Variants in GHR observed in about 807,000 individuals in gnomAD.
GHR encodes the protein GH receptor.
Under a neutral mutation model 67.1 loss-of-function variants are expected in GHR, and 35 were observed. The observed-to-expected ratio is 0.52, with a 90% CI of 0.40 to 0.69. The LOEUF (loss-of-function observed/expected upper bound fraction) is 0.69, where lower values mean the gene tolerates loss of function less well. Ranked by LOEUF, GHR falls within the 30% of genes least tolerant of loss-of-function variation. The pLI, the probability that GHR is intolerant of heterozygous loss-of-function variation, is 0.00. For synonymous variants in GHR, 272 were observed against 269.1 expected (o/e 1.01, Z -0.10); for missense variants, 792 against 764.6 (o/e 1.04, Z -0.42).
At chr5:42,644,837 G>T (rs1439164225) in intron 3 of GHR, among the ~76,000 whole-genome samples, 1 of 151,896 alleles carries the variant, frequency 6.6e-6, no homozygotes, top group African/African-American at 2.4e-5. Flanking sequence ...TGTTTATTTT[G>T]CAAATTCCAA....
chr5:42,446,187 A>G (rs190328032), intron 1 of GHR, among the ~76,000 whole-genome samples: 4 of 152,340 alleles, frequency 2.6e-5, no homozygotes, highest in Non-Finnish European at 5.9e-5. Context: ...AACTGCACTC[A>G]TAATGTAAGC....
At chr5:42,683,977 G>A (rs1036446368) in intron 3 of GHR, among the ~76,000 whole-genome samples, 2 of 146,410 alleles carry the variant, frequency 1.4e-5, no homozygotes, top group African/African-American at 5.1e-5. Context: ...TTTTTTTTTT[G>A]TTTCAGCTGA....
chr5:42,652,949 A>G (rs957781904), intron 3 of GHR, among the ~76,000 whole-genome samples: 1 of 152,090 alleles, frequency 6.6e-6, no homozygotes, highest in African/African-American at 2.4e-5. Context: ...AAGCAGTGTG[A>G]ACTTTGAAGT....
intron 2 of GHR, among the ~76,000 whole-genome samples, chr5:42,603,418 C>A (rs1379392835): frequency 1.3e-5 from 2 of 151,984 alleles, no homozygotes; most frequent in Non-Finnish European, 2.9e-5. Context: ...AAATATTCAA[C>A]CATTATTTCT....
chr5:42,683,849 A>T (rs764827279), intron 3 of GHR, among the ~76,000 whole-genome samples: 1 of 152,262 alleles, frequency 6.6e-6, no homozygotes, highest in East Asian at 1.9e-4. Flanking sequence ...CTTATTTACA[A>T]TGAGAAGGTA....
At chr5:42,568,241 T>G (rs1470576348) in intron 2 of GHR, among the ~76,000 whole-genome samples, 1 of 152,184 alleles carries the variant, frequency 6.6e-6, no homozygotes, top group Non-Finnish European at 1.5e-5. Context: ...TTTTATTAAA[T>G]CTAATTGCCC....
At chr5:42,595,389 A>G (rs910837139) in intron 2 of GHR, among the ~76,000 whole-genome samples, 2 of 152,216 alleles carry the variant, frequency 1.3e-5, no homozygotes, top group African/African-American at 4.8e-5. Flanking sequence ...GTCAGTATAA[A>G]TCTTATAACT....
intron 3 of GHR, among the ~76,000 whole-genome samples, chr5:42,657,436 T>G (rs1755314232): frequency 6.6e-6 from 1 of 152,154 alleles, no homozygotes; most frequent in Non-Finnish European, 1.5e-5. Context: ...TAAGTGGCCA[T>G]CTATCCTTTG....
chr5:42,537,203 G>A (rs1748296903), intron 1 of GHR, among the ~76,000 whole-genome samples: 1 of 151,686 alleles, frequency 6.6e-6, no homozygotes, highest in Non-Finnish European at 1.5e-5. Flanking sequence ...TCCTCGGTTT[G>A]GGTTTGGTTT....
chr5:42,445,506 G>T (rs954405723), intron 1 of GHR, among the ~76,000 whole-genome samples: 37 of 152,130 alleles, frequency 2.4e-4, no homozygotes, highest in African/African-American at 8.4e-4. Context: ...TGTTCTGCCT[G>T]GAAAAGGGCT....
intron 1 of GHR, among the ~76,000 whole-genome samples, chr5:42,447,912 C>T (rs866507354): frequency 2.0e-5 from 3 of 151,848 alleles, no homozygotes; most frequent in South Asian, 4.2e-4. Context: ...CAGGTGCCCA[C>T]AACCATGCCT....
chr5:42,515,083 C>T (rs889027625), intron 1 of GHR: 3 of 152,196 alleles, frequency 2.0e-5, no homozygotes, highest in Non-Finnish European at 4.4e-5. Context: ...GCATAGTAGA[C>T]TCTTAGTGTA....
chr5:42,561,342 C>T (rs1411100516), intron 1 of GHR, among the ~76,000 whole-genome samples: 1 of 152,142 alleles, frequency 6.6e-6, no homozygotes, highest in African/African-American at 2.4e-5. Flanking sequence ...ATTGCTTTTG[C>T]ATTAATCTCC....
intron 3 of GHR, among the ~76,000 whole-genome samples, chr5:42,653,405 C>T (rs1277404141): frequency 6.6e-6 from 1 of 152,102 alleles, no homozygotes; most frequent in Admixed American, 6.6e-5. Context: ...TCTGCCATCC[C>T]TATCTTGTTC....
At chr5:42,449,985 T>C (rs1455475967) in intron 1 of GHR, among the ~76,000 whole-genome samples, 1 of 152,146 alleles carries the variant, frequency 6.6e-6, no homozygotes, top group African/African-American at 2.4e-5. Context: ...ACTATATCCC[T>C]AGTATGAAAC....
chr5:42,632,641 A>G (rs1753984624), intron 3 of GHR, among the ~76,000 whole-genome samples: 1 of 152,164 alleles, frequency 6.6e-6, no homozygotes, highest in Non-Finnish European at 1.5e-5. Context: ...CTTAAGAAAC[A>G]TTTTCTGGGG....
intron 1 of GHR, among the ~76,000 whole-genome samples, chr5:42,544,933 G>T (rs145107699): frequency 4.5e-4 from 69 of 152,140 alleles, no homozygotes; most frequent in East Asian, 2.9e-3. Flanking sequence ...TTGTTTGAGG[G>T]TAGTTGGAGG....
At chr5:42,493,810 C>A (rs1252889295) in intron 1 of GHR, among the ~76,000 whole-genome samples, 1 of 152,134 alleles carries the variant, frequency 6.6e-6, no homozygotes, top group Non-Finnish European at 1.5e-5. Context: ...GCAAACAGGG[C>A]AGATAAGTTT....
At chr5:42,485,919 T>C (rs1745858585) in intron 1 of GHR, among the ~76,000 whole-genome samples, 1 of 152,232 alleles carries the variant, frequency 6.6e-6, no homozygotes, top group African/African-American at 2.4e-5. Flanking sequence ...AAGTCCATAC[T>C]CTACCCCCTT....
Sources: allele counts gnomAD v4.1 joint callset (sites outside exome capture counted in the v4.1 genomes callset), GRCh38; gene constraint gnomAD v4.1.1; transcripts MANE v1.5; gene names NCBI Gene and HGNC (gene_info 2026-07-23, HGNC 2026-07-21).